The following PBX1 variants were observed in gnomAD, a reference collection of about 807,000 sequenced individuals.
PBX1 encodes the protein PBX homeobox 1, also known as pre-B-cell leukemia transcription factor 1.
A neutral mutation model predicts 53.4 loss-of-function variants in PBX1; 6 were observed. The observed-to-expected ratio is 0.11, with a 90% CI of 0.06 to 0.22. The LOEUF is 0.22. Among genes scored for constraint, PBX1 ranks in the 10% least tolerant of loss-of-function variants. The probability of loss-of-function intolerance (pLI) is 1.00; values close to 1 mark genes in which losing one functional copy is unlikely to be tolerated. For synonymous variants in PBX1, 204 were observed against 212.3 expected (o/e 0.96, Z 0.34); for missense variants, 251 against 551.4 (o/e 0.46, Z 5.46).
intron 3 of PBX1, among the ~76,000 whole-genome samples, chr1:164,797,296 C>T (rs58664925): frequency 0.015 from 2,253 of 152,330 alleles, 61 homozygotes; most frequent in African/African-American, 0.052. Context: ...CATCCAGCCC[C>T]TCCTCTCTTT....
chr1:164,841,094 A>G (rs993658266), intron 8 of PBX1, among the ~76,000 whole-genome samples: 3 of 152,192 alleles, frequency 2.0e-5, no homozygotes, highest in African/African-American at 7.2e-5. Context: ...CGACGTGTGA[A>G]GGAACACACG....
chr1:164,821,764 C>T (rs368788966), intron 8 of PBX1, 138 bp downstream of exon 8: 19 of 719,116 alleles, frequency 2.6e-5, no homozygotes, highest in East Asian at 8.1e-5. Flanking sequence ...GTTTCTGTAT[C>T]GGTCATGCCA....
intron 5 of PBX1, among the ~76,000 whole-genome samples, chr1:164,811,255 C>T (rs1170346029): frequency 2.0e-5 from 3 of 152,104 alleles, no homozygotes. Context: ...GCAGAGGTAC[C>T]AGATCAAGCC....
At chr1:164,688,625 A>G (rs1025642268) in intron 2 of PBX1, among the ~76,000 whole-genome samples, 2 of 152,134 alleles carry the variant, frequency 1.3e-5, no homozygotes, top group Non-Finnish European at 2.9e-5. Flanking sequence ...CACCAGGGCC[A>G]TGACCTCTTA....
rs187779937 is a variant in PBX1, at chr1:164,737,015, G to A, written c.266-55479G>A. On this transcript the variant is annotated intron_variant, in intron 2 of 8. Transcript: ENST00000420696. ...GGATTATGAGATGAGATAGGATTCA[G>A]TGCCGTTGACAGAGACCCAAGGAGA... Among the ~76,000 whole-genome samples the A allele has an allele frequency of 3.3e-5, 5 of 152,302 alleles. No individual in the cohort carries two copies. In the East Asian group the frequency reaches 9.6e-4, roughly 29 times the overall value.
intron 2 of PBX1, chr1:164,641,983 A>G (rs1659172608): frequency 6.6e-6 from 1 of 152,196 alleles, no homozygotes; most frequent in Non-Finnish European, 1.5e-5. Context: ...TTGATTAATT[A>G]TATGACATGC....
At chr1:164,590,225 GCT>G in intron 2 of PBX1, 3 of 372,970 alleles carry the variant, frequency 8.0e-6, no homozygotes, top group Non-Finnish European at 1.0e-5. Flanking sequence ...AAAAAAAAAA[GCT>G]GGGGGTCAGG....
At chr1:164,817,936 A>T (rs1173784469) in intron 6 of PBX1, 1 of 152,216 alleles carries the variant, frequency 6.6e-6, no homozygotes, top group Non-Finnish European at 1.5e-5. Context: ...TCTCTGGGTG[A>T]TGAGACATCA....
At chr1:164,750,082 G>A (rs1333399588) in intron 2 of PBX1, among the ~76,000 whole-genome samples, 1 of 151,092 alleles carries the variant, frequency 6.6e-6, no homozygotes, top group Non-Finnish European at 1.5e-5. Context: ...GGGTGACAGA[G>A]TGAGATCCTA....
intron 2 of PBX1, among the ~76,000 whole-genome samples, chr1:164,688,016 C>T (rs893174278): frequency 6.6e-6 from 1 of 152,182 alleles, no homozygotes; most frequent in African/African-American, 2.4e-5. Flanking sequence ...TAGGCTCTTC[C>T]CCTAGCGACA....
chr1:164,596,953 A>G (rs1655802634), intron 2 of PBX1, among the ~76,000 whole-genome samples: 1 of 152,108 alleles, frequency 6.6e-6, no homozygotes, highest in South Asian at 2.1e-4. Context: ...ACCACAGGTA[A>G]GTGGTACAGC....
intron 2 of PBX1, among the ~76,000 whole-genome samples, chr1:164,721,741 ACT>A (rs1230718312): frequency 6.6e-6 from 1 of 151,570 alleles, no homozygotes; most frequent in Non-Finnish European, 1.5e-5. Flanking sequence ...TCTCGGCTTG[ACT>A]CTGCCCTGTC....
intron 2 of PBX1, among the ~76,000 whole-genome samples, chr1:164,751,780 C>T (rs1666236629): frequency 2.0e-5 from 3 of 151,978 alleles, no homozygotes; most frequent in Admixed American, 6.5e-5. Context: ...CAGGGTTTCA[C>T]CATGTTGGCC....
chr1:164,708,804 C>T (rs2789440), intron 2 of PBX1, among the ~76,000 whole-genome samples: 141,196 of 152,294 alleles, frequency 0.93, 66,176 homozygotes, highest in Non-Finnish European at 1. Context: ...AAAGAAGTAA[C>T]CAAGACAAAG....
intron 2 of PBX1, among the ~76,000 whole-genome samples, chr1:164,581,718 A>G (rs536628457): frequency 2.5e-4 from 38 of 152,370 alleles, no homozygotes; most frequent in African/African-American, 8.7e-4. Flanking sequence ...TTAGAAAACA[A>G]TACTGTTGAT....
At chr1:164,876,088 G>C (rs1477324243) in intron 2 of PBX1, among the ~76,000 whole-genome samples, 1 of 150,020 alleles carries the variant, frequency 6.7e-6, no homozygotes, top group African/African-American at 2.5e-5. Context: ...CAGAGTGGAG[G>C]TCAGTGAACT....
At chr1:164,675,653 G>C (rs1282855772) in intron 2 of PBX1, among the ~76,000 whole-genome samples, 1 of 151,996 alleles carries the variant, frequency 6.6e-6, no homozygotes, top group Admixed American at 6.6e-5. Flanking sequence ...CTGCCTTTAT[G>C]GCTACAAGAT....
intron 2 of PBX1, among the ~76,000 whole-genome samples, chr1:164,879,888 A>C (rs1349714130): frequency 6.6e-6 from 1 of 152,296 alleles, no homozygotes; most frequent in South Asian, 2.1e-4. Flanking sequence ...CCCTAAAAAA[A>C]CACAAAAGCC....
intron 4 of PBX1, among the ~76,000 whole-genome samples, chr1:164,804,591 T>C (rs939981252): frequency 1.6e-4 from 25 of 152,214 alleles, no homozygotes; most frequent in African/African-American, 5.5e-4. Context: ...AAAGTACTCT[T>C]GGACAGCACT....
Sources: allele counts gnomAD v4.1 joint callset (sites outside exome capture counted in the v4.1 genomes callset), GRCh38; gene constraint gnomAD v4.1.1; transcripts MANE v1.5; gene names NCBI Gene and HGNC (gene_info 2026-07-23, HGNC 2026-07-21).